Variants in LRP5 observed in about 807,000 individuals in gnomAD.
The protein encoded by LRP5 is low-density lipoprotein receptor-related protein 5.
LRP5 carries 62 observed loss-of-function variants against 154.1 expected under a neutral mutation model. The ratio of observed to expected loss-of-function variants is 0.40; its 90% CI spans 0.33 to 0.50. The LOEUF is 0.50. Among genes scored for constraint, LRP5 ranks in the 20% least tolerant of loss-of-function variants. The pLI is 0.55. For synonymous variants in LRP5, 966 were observed against 1,011.5 expected, an observed-to-expected ratio of 0.96 and a Z score of 0.85; for missense variants, 1,915 against 2,336.7, an observed-to-expected ratio of 0.82 and a Z score of 3.72.
intron 6 of LRP5, among the ~76,000 whole-genome samples, chr11:68,387,651 G>A (rs1406410018): frequency 1.3e-5 from 2 of 152,200 alleles, no homozygotes; most frequent in African/African-American, 2.4e-5. Context: ...TCTGAGACCC[G>A]CCCCAGCGGC....
chr11:68,433,823 G>T lies in LRP5; in HGVS notation c.3985G>T (p.Glu1329Ter). 6.2e-7 allele frequency: 1 copy of T among 1,612,456 alleles called. No homozygotes were observed. The highest frequency in any genetic ancestry group is 1.1e-5 in the South Asian group (1 of 91,054). Reference protein sequence around the residue: ...GEADCQDRSDEADCDAICLPN... With the variant: ...GEADCQDRSD ...GGCAGACTGTCAGGACCGCTCAGAC[G>T]AGGCGGACTGTGACGGTGAGGCCCT... Residue 1329 changes from glutamate to a stop codon, truncating the protein, a stop_gained, in exon 18 of 23, where the codon GAG becomes TAG. Coordinates refer to ENST00000294304, the MANE Select transcript of LRP5 (RefSeq NM_002335.4). LOFTEE classifies it high-confidence loss of function.
chr11:68,383,334 T>C (rs2098641306), intron 5 of LRP5, among the ~76,000 whole-genome samples: 1 of 152,214 alleles, frequency 6.6e-6, no homozygotes, highest in Non-Finnish European at 1.5e-5. Flanking sequence ...CGTCTTGCGC[T>C]GTGCCTGGCA....
intron 18 of LRP5, among the ~76,000 whole-genome samples, chr11:68,434,736 C>A (rs1170647013): frequency 6.6e-6 from 1 of 152,188 alleles, no homozygotes; most frequent in Non-Finnish European, 1.5e-5. Context: ...ATGTTGTCAG[C>A]ACCATGGGCC....
At chr11:68,446,844 T>C (rs936543907) in intron 22 of LRP5, 7 of 407,560 alleles carry the variant, frequency 1.7e-5, no homozygotes, top group African/African-American at 1.4e-4. Context: ...GGGCTTGGGC[T>C]CCAGAGTCTG....
At chr11:68,342,719 T>G (rs904060903) in intron 1 of LRP5, among the ~76,000 whole-genome samples, 3 of 152,192 alleles carry the variant, frequency 2.0e-5, no homozygotes, top group African/African-American at 7.2e-5. Flanking sequence ...GGCCTGCCGC[T>G]CCTGCCCGGC....
intron 5 of LRP5, 145 bp downstream of exon 5, chr11:68,365,847 G>T: frequency 1.2e-6 from 1 of 823,308 alleles, no homozygotes. Context: ...CAAGTCTGTG[G>T]TCCCAGCTAC....
At chr11:68,402,169 G>A (rs921493514) in intron 7 of LRP5, among the ~76,000 whole-genome samples, 3 of 152,186 alleles carry the variant, frequency 2.0e-5, no homozygotes, top group African/African-American at 7.2e-5. Context: ...GCCTTTAATG[G>A]CCTTGTGTCT....
Position 68,363,752 on chromosome 11 carries a change from A to T in LRP5, c.692A>T (p.Lys231Met). The T allele has an allele frequency of 6.2e-7, 1 of 1,611,862 alleles. No individual in the cohort carries two copies. Among genetic ancestry groups the T allele is most frequent in the African/African-American group, 1.3e-5 (1 of 74,756 alleles). The change falls in exon 4 of 23, where the codon AAG becomes ATG. Residue 231 changes from lysine (K) to methionine (M), a missense_variant. Physicochemically the swap from Lys to Met is moderately conservative, Grantham distance 95. This residue lies in a region of LRP5 where 773 missense variants were observed against 1,100.9 expected (regional missense o/e 0.70). Coordinates refer to ENST00000294304, the MANE Select transcript of LRP5 (RefSeq NM_002335.4). ...CCCCGCTTCCCTGACTGCAGGCAGA[A>T]GGTGGTGGAGGGCAGCCTGACGCAC... ...RANLDGSFRQ[K>M]VVEGSLTHPF...
intron 21 of LRP5, among the ~76,000 whole-genome samples, chr11:68,446,008 A>G (rs2098681223): frequency 6.6e-6 from 1 of 152,162 alleles, no homozygotes; most frequent in African/African-American, 2.4e-5. Flanking sequence ...GCAGGAGGAA[A>G]GGTCAGAAGG....
intron 17 of LRP5, among the ~76,000 whole-genome samples, chr11:68,432,314 C>T (rs1375061120): frequency 6.6e-6 from 1 of 152,230 alleles, no homozygotes; most frequent in Non-Finnish European, 1.5e-5. Flanking sequence ...CAACCTCCAG[C>T]CACCGGTCCT....
intron 1 of LRP5, among the ~76,000 whole-genome samples, chr11:68,322,481 T>A (rs1482628104): frequency 1.3e-5 from 2 of 152,136 alleles, no homozygotes; most frequent in South Asian, 2.1e-4. Flanking sequence ...GCATCTGAAG[T>A]TGGAACTTTT....
At position 68,425,283 on chromosome 11, in the gene LRP5, G is replaced by A. The variant is rs950099854; in HGVS notation, c.3418G>A (p.Asp1140Asn). The part of the protein sequence containing the change: ...DADLKRIESC[D>N]LSGANRLTLE... ...GGACCTGAAGCGCATTGAGAGCTGT[G>A]ACCTGTCAGGTACGCGCCCCGGGGC... Residue 1140 changes from aspartate (D) to asparagine (N), a missense_variant, in exon 15 of 23, where the codon GAC (aspartate) becomes AAC (asparagine). Physicochemically the swap from Asp to Asn is conservative, Grantham distance 23. Coordinates refer to ENST00000294304, the MANE Select transcript of LRP5 (RefSeq NM_002335.4). The A allele has an allele frequency of 1.2e-6, 2 of 1,608,638 alleles. No individual in the cohort carries two copies. Among genetic ancestry groups the A allele is most frequent in the African/African-American group, 2.7e-5 (2 of 75,042 alleles).
At chr11:68,433,310 G>A (rs912661289) in intron 17 of LRP5, among the ~76,000 whole-genome samples, 4 of 152,236 alleles carry the variant, frequency 2.6e-5, no homozygotes, top group Non-Finnish European at 5.9e-5. Flanking sequence ...GCTGCTTAAA[G>A]CTCTGATTCC....
At chr11:68,324,556 C>T (rs1280069502) in intron 1 of LRP5, among the ~76,000 whole-genome samples, 6 of 152,188 alleles carry the variant, frequency 3.9e-5, no homozygotes, top group Admixed American at 6.5e-5. Flanking sequence ...GGATGGGTCA[C>T]GATGGGAGGG....
chr11:68,409,168 T>A (rs1490418812), intron 9 of LRP5, among the ~76,000 whole-genome samples: 1 of 131,920 alleles, frequency 7.6e-6, no homozygotes, highest in Non-Finnish European at 1.6e-5. Context: ...AATATAAAAA[T>A]ATATATTTAT....
chr11:68,375,846 G>A (rs2098637047), intron 5 of LRP5, among the ~76,000 whole-genome samples: 1 of 152,240 alleles, frequency 6.6e-6, no homozygotes, highest in Admixed American at 6.5e-5. Context: ...CTGTGTGGCT[G>A]TGAAATGTAG....
chr11:68,344,776 A>G lies in LRP5; in HGVS notation c.92-3071A>G, dbSNP rs1410446700. ...TGAATCATAAAGTATTTGTCTTTTT[A>G]TATCTGGCTTATTTCACTTAGCATA... On this transcript the variant is annotated intron_variant, in intron 1 of 22. Coordinates refer to ENST00000294304, the MANE Select transcript of LRP5 (RefSeq NM_002335.4). 2.8e-5 allele frequency among the ~76,000 whole-genome samples: 4 copies of G among 142,162 alleles called. No individual in the cohort carries two copies. In the East Asian group the frequency reaches 8.6e-4, roughly 31 times the overall value. The allele number at this position is 142,162 out of a possible 152,430, so 93.3% of individuals were successfully genotyped here.
chr11:68,375,188 C>T (rs17149027), intron 5 of LRP5, among the ~76,000 whole-genome samples: 7,116 of 152,270 alleles, frequency 0.047, 567 homozygotes, highest in African/African-American at 0.16. Context: ...CTCCTTGTTT[C>T]GTTTCACTGA....
intron 1 of LRP5, among the ~76,000 whole-genome samples, chr11:68,332,981 A>G (rs1175267772): frequency 6.6e-6 from 1 of 152,190 alleles, no homozygotes; most frequent in Non-Finnish European, 1.5e-5. Context: ...CCAAGATTTT[A>G]TTATTGTTGT....
Sources: allele counts gnomAD v4.1 joint callset (sites outside exome capture counted in the v4.1 genomes callset), GRCh38; gene constraint gnomAD v4.1.1; regional missense constraint gnomAD v4.1.1; transcripts MANE v1.5; gene names NCBI Gene and HGNC (gene_info 2026-07-23, HGNC 2026-07-21).